PDIA6: variants seen among roughly 807,000 people sequenced by gnomAD.
PDIA6 encodes protein disulfide-isomerase A6.
In PDIA6, 29 loss-of-function variants were observed where a neutral mutation model predicts 58.4. The observed-to-expected ratio is 0.50, with a 90% CI of 0.37 to 0.68. The LOEUF is 0.68. PDIA6 is among the 30% of genes least tolerant of loss of function. The pLI is 0.00. For missense variants in PDIA6, 480 were observed against 551.0 expected (o/e 0.87, Z 1.29); for synonymous variants, 192 against 202.6 (o/e 0.95, Z 0.44).
Position 10,810,346 on chromosome 2 carries a change from G to C in PDIA6, c.19+2332C>G, listed in dbSNP as rs1400181904. ...ATTAGGTAGACTGTGGCAGAATTAG[G>C]TACTTTCACTTCTCTTTGCCAATCA... On this transcript the variant is annotated intron_variant, in intron 1 of 12. Coordinates refer to ENST00000272227, the MANE Select transcript of PDIA6 (RefSeq NM_005742.4). 3 of 1,520,092 alleles carry C rather than the reference G, an allele frequency of 2.0e-6. No individual in the cohort carries two copies. In the East Asian group the frequency reaches 7.4e-5, roughly 37 times the overall value. The allele number at this position is 1,520,092 out of a possible 1,614,324, so 94.2% of individuals were successfully genotyped here. A position where few individuals can be genotyped will look rare whatever the true frequency, so the allele number is the denominator to read the frequency against.
intron 1 of PDIA6, among the ~76,000 whole-genome samples, chr2:10,821,893 G>A (rs957604035): frequency 2.6e-5 from 4 of 151,760 alleles, no homozygotes; most frequent in African/African-American, 9.7e-5. Context: ...CAAAGTTTTG[G>A]GATTACAGGC....
intron 7 of PDIA6, 81 bp downstream of exon 7, chr2:10,790,638 C>T: frequency 2.0e-6 from 2 of 975,620 alleles, no homozygotes; most frequent in Non-Finnish European, 3.3e-6. Flanking sequence ...TTTACTACCT[C>T]ATAGGGAGGC....
At chr2:10,812,606 A>G in intron 1 of PDIA6, 72 bp downstream of exon 1, 1 of 1,393,636 alleles carries the variant, frequency 7.2e-7, no homozygotes, top group Non-Finnish European at 9.5e-7. Flanking sequence ...CCCGCCGGGG[A>G]ACGGCCTAGA....
chr2:10,799,912 G>GAAAAAAAAA (rs11350460), intron 2 of PDIA6, among the ~76,000 whole-genome samples: 2 of 103,168 alleles, frequency 1.9e-5, no homozygotes. Context: ...GGAAAAAAAA[G>GAAAAAAAAA]AAAAAAAAAA....
intron 4 of PDIA6, 62 bp downstream of exon 4, chr2:10,797,019 T>C: frequency 6.8e-7 from 1 of 1,465,726 alleles, no homozygotes; most frequent in Admixed American, 1.7e-5. Flanking sequence ...GTTCTCAAGC[T>C]TGTTAAAGAA....
intron 1 of PDIA6, among the ~76,000 whole-genome samples, chr2:10,825,657 T>C (rs1300709271): frequency 6.6e-6 from 1 of 152,126 alleles, no homozygotes; most frequent in Non-Finnish European, 1.5e-5. Context: ...AATTTAAAAA[T>C]GCCCAAAGGA....
In PDIA6 at chr2:10,789,868, T is replaced by G; in HGVS notation, c.721A>C (p.Lys241Gln). Residue 241 changes from lysine to glutamine, a missense_variant, in exon 8 of 13, where the codon AAG becomes CAG. Transcript: ENST00000272227. ...RYGIRGFPTI[K>Q]IFQKGESPVD... Reference sequence around the variant, plus strand: ...GGAGACTCGCCTTTCTGAAATATCTTGATTGTAGGAAATCCTCTAATCTAT... The same window carrying G: ...GGAGACTCGCCTTTCTGAAATATCTGGATTGTAGGAAATCCTCTAATCTAT... 17 of 1,613,724 alleles carry G rather than the reference T, an allele frequency of 1.1e-5. No individual in the cohort carries two copies. The highest frequency in any genetic ancestry group is 1.4e-5 in the Non-Finnish European group (17 of 1,179,668).
chr2:10,827,275 C>T (rs1416158334), intron 1 of PDIA6, among the ~76,000 whole-genome samples: 1 of 152,008 alleles, frequency 6.6e-6, no homozygotes, highest in Non-Finnish European at 1.5e-5. Flanking sequence ...GTTGGCCAGG[C>T]TGGTCTCAAA....
intron 1 of PDIA6, chr2:10,819,405 T>A: frequency 9.4e-7 from 1 of 1,060,564 alleles, no homozygotes; most frequent in Non-Finnish European, 1.4e-6. Context: ...GGGGAAACTA[T>A]TACCGAATGT....
intron 1 of PDIA6, among the ~76,000 whole-genome samples, chr2:10,822,752 A>G (rs1166591967): frequency 2.0e-5 from 3 of 152,238 alleles, no homozygotes; most frequent in Non-Finnish European, 1.5e-5. Context: ...TGGCTTTACT[A>G]AACAATTTGC....
chr2:10,820,274 G>A (rs112331854), intron 1 of PDIA6, among the ~76,000 whole-genome samples: 74 of 152,310 alleles, frequency 4.9e-4, no homozygotes, highest in Middle Eastern at 3.4e-3. Context: ...TAGATGAGTC[G>A]CTGGGGAGGT....
At chr2:10,795,119 C>T (rs115466156) in intron 4 of PDIA6, among the ~76,000 whole-genome samples, 155 of 152,272 alleles carry the variant, frequency 1.0e-3, no homozygotes, top group African/African-American at 3.6e-3. Context: ...GAACCACTGC[C>T]CCTTCCCCGA....
At position 10,788,967 on chromosome 2, in the gene PDIA6, G is replaced by A; in HGVS notation, c.855C>T (p.Asp285=). 6.2e-7 allele frequency: 1 copy of A among 1,613,826 alleles called. No individual in the cohort carries two copies. The highest frequency in any genetic ancestry group is 1.1e-5 in the South Asian group (1 of 91,084). The change falls in exon 9 of 13, where the codon GAC becomes GAT. Residue 285 remains aspartate (D), a synonymous_variant. Coordinates refer to ENST00000272227, the MANE Select transcript of PDIA6 (RefSeq NM_005742.4). The part of the protein sequence containing the change: ...PPELLEIINE[D]IAKRTCEEHQ... ...GCTCCTCACACGTCCTCTTGGCAAT[G>A]TCCTCGTTGATAATCTGTGGGACCC... is the stretch of plus-strand genomic sequence containing the variant.
chr2:10,790,840 A>G lies in PDIA6; in HGVS notation c.585-7T>C. On this transcript the variant is annotated splice_region_variant and splice_polypyrimidine_tract_variant and intron_variant, in intron 6 of 12. Coordinates refer to ENST00000272227, the MANE Select transcript of PDIA6 (RefSeq NM_005742.4). Reference sequence around the variant, plus strand: ...AGCCCACTCTGGCTCTAGGCTATAGAAAAATATTCGTTTTGTTTTGTTTCT... The same window carrying G: ...AGCCCACTCTGGCTCTAGGCTATAGGAAAATATTCGTTTTGTTTTGTTTCT... 6.2e-7 allele frequency: 1 copy of G among 1,604,880 alleles called. No homozygotes were observed. Among genetic ancestry groups the G allele is most frequent in the Non-Finnish European group, 8.5e-7 (1 of 1,171,928 alleles).
chr2:10,820,635 G>GT, intron 1 of PDIA6: 1 of 586,584 alleles, frequency 1.7e-6, no homozygotes. Context: ...TTCTTGAGCT[G>GT]TTTTTTGTTA....
At chr2:10,798,573 CAAAAA>C (rs71392259) in intron 2 of PDIA6, among the ~76,000 whole-genome samples, 15 of 133,216 alleles carry the variant, frequency 1.1e-4, no homozygotes, top group South Asian at 9.3e-4. Context: ...GTCCCCCACC[CAAAAA>C]AAAAAAAAAA....
chr2:10,824,178 A>T (rs957690928), intron 1 of PDIA6, among the ~76,000 whole-genome samples: 7 of 149,696 alleles, frequency 4.7e-5, no homozygotes, highest in African/African-American at 1.7e-4. Context: ...TGTAGCCCAG[A>T]CTCTGCTTCA....
intron 1 of PDIA6, among the ~76,000 whole-genome samples, chr2:10,830,761 C>T (rs915026092): frequency 5.3e-5 from 8 of 152,200 alleles, no homozygotes; most frequent in East Asian, 1.9e-4. Context: ...ACCCCCTGCG[C>T]GGGCGTGGCT....
intron 2 of PDIA6, among the ~76,000 whole-genome samples, chr2:10,800,731 G>A (rs1686439): frequency 0.49 from 74,012 of 151,540 alleles, 19,609 homozygotes; most frequent in South Asian, 0.58. Context: ...CTCCTGAGTA[G>A]CTGGGACCAC....
Sources: gnomAD v4.1 joint callset for allele counts (sites outside exome capture counted in the v4.1 genomes callset) on GRCh38, gnomAD v4.1.1 for gene constraint, MANE v1.5 for transcripts, NCBI Gene and HGNC (gene_info 2026-07-23, HGNC 2026-07-21) for gene names.